UBE2V2: variants seen among roughly 807,000 people sequenced by gnomAD.
UBE2V2 encodes the protein ubiquitin-conjugating enzyme E2 variant 2.
UBE2V2 carries 9 observed loss-of-function variants against 17.2 expected under a neutral mutation model. The observed-to-expected ratio is 0.52, with a 90% CI of 0.32 to 0.91. UBE2V2 has a LOEUF of 0.91. UBE2V2 is among the 40% of genes least tolerant of loss of function. UBE2V2 has a pLI of 0.04. For missense variants in UBE2V2, 133 were observed against 182.6 expected (o/e 0.73, Z 1.56); for synonymous variants, 61 against 57.5 (o/e 1.06, Z -0.28).
chr8:48,007,128 T>C (rs1465384060), upstream of UBE2V2, among the ~76,000 whole-genome samples: 1 of 151,888 alleles, frequency 6.6e-6, no homozygotes, highest in Non-Finnish European at 1.5e-5. Context: ...GACCTCGTGA[T>C]CCGCCCGCCT....
intron 1 of UBE2V2, among the ~76,000 whole-genome samples, chr8:48,033,749 G>A (rs2091400740): frequency 6.6e-6 from 1 of 151,944 alleles, no homozygotes; most frequent in Non-Finnish European, 1.5e-5. Context: ...CTTGAGCCCA[G>A]GAGTTCGAGA....
chr8:48,033,301 C>T (rs901007369), intron 1 of UBE2V2, among the ~76,000 whole-genome samples: 1 of 151,986 alleles, frequency 6.6e-6, no homozygotes, highest in Non-Finnish European at 1.5e-5. Context: ...ATTCTCCTGC[C>T]TCTGCCACCT....
intron 1 of UBE2V2, among the ~76,000 whole-genome samples, chr8:48,015,495 TG>T (rs978077658): frequency 6.6e-6 from 1 of 152,250 alleles, no homozygotes; most frequent in African/African-American, 2.4e-5. Context: ...TTATCATTTT[TG>T]TGGTGAGAAT....
At chr8:48,016,454 C>T (rs992637533) in intron 1 of UBE2V2, among the ~76,000 whole-genome samples, 1 of 151,994 alleles carries the variant, frequency 6.6e-6, no homozygotes, top group African/African-American at 2.4e-5. Flanking sequence ...TATCCTTTAT[C>T]ACCACATACT....
chr8:48,039,127 T>C (rs2091444391), intron 1 of UBE2V2, among the ~76,000 whole-genome samples: 1 of 152,108 alleles, frequency 6.6e-6, no homozygotes, highest in Admixed American at 6.6e-5. Flanking sequence ...CTCGAACTCC[T>C]GCCCTCAGGT....
At chr8:48,042,490 T>G (rs1282790058) in intron 1 of UBE2V2, 1 of 152,132 alleles carries the variant, frequency 6.6e-6, no homozygotes, top group African/African-American at 2.4e-5. Flanking sequence ...TCTGACAGAT[T>G]CTGTTTTCAC....
intron 3 of UBE2V2, among the ~76,000 whole-genome samples, chr8:48,054,294 C>T (rs2091558507): frequency 6.6e-6 from 1 of 152,092 alleles, no homozygotes; most frequent in South Asian, 2.1e-4. Flanking sequence ...TGTGCCGTGG[C>T]GTGGGGCTTT....
intron 1 of UBE2V2, among the ~76,000 whole-genome samples, chr8:48,041,343 A>T (rs979229672): frequency 3.9e-4 from 59 of 152,102 alleles, no homozygotes; most frequent in Admixed American, 1.0e-3. Flanking sequence ...TTAGCCGGGC[A>T]TGGTGTTGCA....
At chr8:48,001,071 G>A in the UBE2V2 span, among the ~76,000 whole-genome samples, 5 of 152,046 alleles carry the variant, frequency 3.3e-5, no homozygotes, top group Non-Finnish European at 5.9e-5. Context: ...CCAACCGAGT[G>A]CGCTCCCTCA....
chr8:48,019,805 A>G (rs975041132), intron 1 of UBE2V2, among the ~76,000 whole-genome samples: 1 of 149,408 alleles, frequency 6.7e-6, no homozygotes, highest in Non-Finnish European at 1.5e-5. Flanking sequence ...ACAGAGCTAG[A>G]CTCCGTTTCA....
chr8:48,017,054 G>T (rs2154506840), intron 1 of UBE2V2, among the ~76,000 whole-genome samples: 1 of 152,234 alleles, frequency 6.6e-6, no homozygotes, highest in African/African-American at 2.4e-5. Flanking sequence ...GCCTCCCAAA[G>T]TGCTGGGATT....
At chr8:48,016,385 A>G (rs2091269351) in intron 1 of UBE2V2, among the ~76,000 whole-genome samples, 1 of 151,544 alleles carries the variant, frequency 6.6e-6, no homozygotes, top group African/African-American at 2.4e-5. Flanking sequence ...GGAACTCCAT[A>G]CTCTTCTTTC....
chr8:48,058,113 C>A (rs2091584255), intron 3 of UBE2V2, among the ~76,000 whole-genome samples: 1 of 152,070 alleles, frequency 6.6e-6, no homozygotes, highest in Admixed American at 6.6e-5. Flanking sequence ...GTGTGCAGAT[C>A]CCTTGAGCCC....
At chr8:48,011,136 T>C (rs994667534) in intron 1 of UBE2V2, among the ~76,000 whole-genome samples, 2 of 152,118 alleles carry the variant, frequency 1.3e-5, no homozygotes, top group Non-Finnish European at 2.9e-5. Flanking sequence ...TGATACAGCT[T>C]AAAATTTAAA....
intron 1 of UBE2V2, among the ~76,000 whole-genome samples, chr8:48,035,925 ATTAC>A (rs1157378464): frequency 1.5e-5 from 2 of 133,564 alleles, no homozygotes; most frequent in Admixed American, 1.5e-4. Flanking sequence ...CCTTGTAATT[ATTAC>A]TTTTCTCCCC....
intron 1 of UBE2V2, among the ~76,000 whole-genome samples, chr8:48,028,240 T>C (rs2154507233): frequency 6.6e-6 from 1 of 152,026 alleles, no homozygotes; most frequent in East Asian, 1.9e-4. Context: ...TGATCTCAGC[T>C]CACTGCAACC....
intron 3 of UBE2V2, among the ~76,000 whole-genome samples, chr8:48,059,499 C>T (rs1437483462): frequency 2.6e-5 from 4 of 152,042 alleles, no homozygotes; most frequent in Admixed American, 2.0e-4. Flanking sequence ...GCCTCCACCT[C>T]CCAGGTTCAA....
At chr8:47,998,915 G>A in the UBE2V2 span, among the ~76,000 whole-genome samples, 1 of 152,136 alleles carries the variant, frequency 6.6e-6, no homozygotes, top group Non-Finnish European at 1.5e-5. Context: ...GTAGCTTGAG[G>A]GAGTTCTTTG....
At chr8:48,008,525 C>T (rs1413280505) in intron 1 of UBE2V2, 55 bp downstream of exon 1, 5 of 1,534,082 alleles carry the variant, frequency 3.3e-6, no homozygotes, top group Non-Finnish European at 4.4e-6. Flanking sequence ...CTCTGCCCCT[C>T]CGTCTGCTGC....
Sources: allele counts gnomAD v4.1 joint callset (sites outside exome capture counted in the v4.1 genomes callset), GRCh38; gene constraint gnomAD v4.1.1; transcripts MANE v1.5; gene names NCBI Gene and HGNC (gene_info 2026-07-23, HGNC 2026-07-21).